Variants in GRAMD1C observed in about 807,000 individuals in gnomAD.
GRAMD1C encodes the protein protein Aster-C.
A neutral mutation model predicts 97.8 loss-of-function variants in GRAMD1C; 89 were observed. The observed-to-expected ratio is 0.91, with a 90% CI of 0.77 to 1.09. The LOEUF is 1.09. Ranked by LOEUF, GRAMD1C falls within the 50% of genes least tolerant of loss-of-function variation. GRAMD1C has a pLI of 0.00. For missense variants in GRAMD1C, 740 were observed against 766.4 expected (o/e 0.97, Z 0.41); for synonymous variants, 256 against 267.0 (o/e 0.96, Z 0.40).
intron 6 of GRAMD1C, among the ~76,000 whole-genome samples, chr3:113,887,096 GTT>G (rs59820635): frequency 1.1e-5 from 1 of 94,058 alleles, no homozygotes; most frequent in Non-Finnish European, 2.1e-5. Flanking sequence ...TTTTTTTTTT[GTT>G]TTTTTTTTTT....
intron 6 of GRAMD1C, among the ~76,000 whole-genome samples, chr3:113,889,829 G>A (rs1935647493): frequency 6.6e-6 from 1 of 152,034 alleles, no homozygotes; most frequent in African/African-American, 2.4e-5. Context: ...GTAGAGACAG[G>A]GTTTCTCCAT....
chr3:113,846,568 T>G (rs1023760709), intron 2 of GRAMD1C, among the ~76,000 whole-genome samples: 8 of 151,902 alleles, frequency 5.3e-5, no homozygotes, highest in African/African-American at 1.9e-4. Context: ...AGGAGATAAT[T>G]TAGAAATAGG....
rs886528922 is a variant in GRAMD1C, at chr3:113,904,260, T to C, written c.777T>C (p.Asn259=). ...RVSETESFDG[N]SSKGGLGKEE... ...CAGAAACAGAGTCATTCGATGGAAA[T>C]TCATCAAAAGGAGTTAGTATATGAT... The change falls in exon 8 of 18, where the codon AAT becomes AAC. Residue 259 remains asparagine, a synonymous_variant. Transcript: ENST00000358160. 6.2e-7 allele frequency: 1 copy of C among 1,603,982 alleles called. No individual in the cohort carries two copies. Among genetic ancestry groups the C allele is most frequent in the African/African-American group, 1.3e-5 (1 of 74,696 alleles).
intron 2 of GRAMD1C, among the ~76,000 whole-genome samples, chr3:113,861,665 A>G (rs1934379107): frequency 6.6e-6 from 1 of 152,230 alleles, no homozygotes; most frequent in South Asian, 2.1e-4. Context: ...CAATAATAAA[A>G]AGACAAACCA....
At chr3:113,940,060 A>C (rs1937698161) in intron 16 of GRAMD1C, 64 bp downstream of exon 16, 1 of 1,008,766 alleles carries the variant, frequency 9.9e-7, no homozygotes, top group African/African-American at 1.6e-5. Context: ...AGTTGCAGAA[A>C]ACTTAATTTC....
At chr3:113,858,394 AT>A (rs71144094) in intron 2 of GRAMD1C, among the ~76,000 whole-genome samples, 15 of 109,342 alleles carry the variant, frequency 1.4e-4, no homozygotes, top group East Asian at 1.1e-3. Flanking sequence ...TCCCAGCTAC[AT>A]TTTTTTTTTT....
chr3:113,939,657 A>G (rs983295879), intron 15 of GRAMD1C: 2 of 389,000 alleles, frequency 5.1e-6, no homozygotes, highest in Non-Finnish European at 9.3e-6. Context: ...GGATTATTCA[A>G]GGACTTGTAT....
At chr3:113,847,563 A>C (rs2107322922) in intron 2 of GRAMD1C, among the ~76,000 whole-genome samples, 1 of 152,366 alleles carries the variant, frequency 6.6e-6, no homozygotes, top group East Asian at 1.9e-4. Flanking sequence ...TCTGCCATTT[A>C]AAATCCATCA....
intron 6 of GRAMD1C, among the ~76,000 whole-genome samples, chr3:113,892,287 C>A (rs571329274): frequency 6.6e-6 from 1 of 152,176 alleles, no homozygotes; most frequent in South Asian, 2.1e-4. Flanking sequence ...GCCTGGCCAA[C>A]ATGTTGAAAC....
chr3:113,899,687 A>G (rs1196034064), intron 6 of GRAMD1C, among the ~76,000 whole-genome samples: 1 of 152,186 alleles, frequency 6.6e-6, no homozygotes, highest in Admixed American at 6.5e-5. Flanking sequence ...ACATCAGACC[A>G]TTGGTTATCA....
intron 1 of GRAMD1C, among the ~76,000 whole-genome samples, chr3:113,839,389 C>A (rs1411789030): frequency 6.6e-6 from 1 of 152,170 alleles, no homozygotes; most frequent in Non-Finnish European, 1.5e-5. Context: ...TGTTTACTAC[C>A]TTATTTGACA....
chr3:113,941,533 A>AGGC (rs1937775037), intron 17 of GRAMD1C, among the ~76,000 whole-genome samples: 1 of 151,382 alleles, frequency 6.6e-6, no homozygotes, highest in African/African-American at 2.4e-5. Flanking sequence ...AAATTCTTCC[A>AGGC]TTGAGTTTTT....
rs756563272 is a variant in GRAMD1C, at chr3:113,936,246, A to T, written c.1457-20A>T. 3 of 1,411,314 alleles carry T rather than the reference A, an allele frequency of 2.1e-6. No individual in the cohort carries two copies. Among genetic ancestry groups the T allele is most frequent in the Non-Finnish European group, 3.0e-6 (3 of 1,011,720 alleles). The allele number at this position is 1,411,314 out of a possible 1,614,324, so 87.4% of individuals were successfully genotyped here. Reference sequence around the variant, plus strand: ...GAGGAGCTTTCCTCACTATATAAAGATTGTTTTTTTTTTTCTTAGAATCAG... The same window carrying T: ...GAGGAGCTTTCCTCACTATATAAAGTTTGTTTTTTTTTTTCTTAGAATCAG... On this transcript the variant is annotated intron_variant, in intron 13 of 17. Transcript: ENST00000358160.
chr3:113,836,247 G>C (rs1709629994), upstream of GRAMD1C, among the ~76,000 whole-genome samples: 1 of 152,146 alleles, frequency 6.6e-6, no homozygotes, highest in Non-Finnish European at 1.5e-5. Context: ...CTGGGGGACA[G>C]AACGAGACTC....
chr3:113,932,971 T>C (rs1162550044), intron 11 of GRAMD1C, among the ~76,000 whole-genome samples: 1 of 151,254 alleles, frequency 6.6e-6, no homozygotes, highest in Admixed American at 6.6e-5. Flanking sequence ...AACCTCTGCC[T>C]CCTGGGTTCA....
chr3:113,875,454 A>G (rs1934987685), intron 3 of GRAMD1C, 30 bp from the exon 4 acceptor site: 1 of 918,418 alleles, frequency 1.1e-6, no homozygotes, highest in South Asian at 1.3e-5. Flanking sequence ...ATTTTCGTGA[A>G]TAAGCTGTAT....
chr3:113,846,339 C>T (rs1463146533), intron 2 of GRAMD1C, among the ~76,000 whole-genome samples: 1 of 152,138 alleles, frequency 6.6e-6, no homozygotes, highest in African/African-American at 2.4e-5. Context: ...CTCCCGACCT[C>T]AGGTGATCCG....
chr3:113,933,142 C>T (rs1937502776), intron 11 of GRAMD1C, among the ~76,000 whole-genome samples: 1 of 152,212 alleles, frequency 6.6e-6, no homozygotes, highest in African/African-American at 2.4e-5. Flanking sequence ...ACATCAGCTT[C>T]CCAAAGTGTT....
intron 2 of GRAMD1C, among the ~76,000 whole-genome samples, chr3:113,867,221 G>A (rs1313655501): frequency 3.3e-5 from 5 of 152,162 alleles, no homozygotes; most frequent in Admixed American, 1.3e-4. Context: ...ATTTCTGGCG[G>A]TTTTAATTTC....
Sources: allele counts gnomAD v4.1 joint callset (sites outside exome capture counted in the v4.1 genomes callset), GRCh38; gene constraint gnomAD v4.1.1; transcripts MANE v1.5; gene names NCBI Gene and HGNC (gene_info 2026-07-23, HGNC 2026-07-21).